Variants in LHX4 observed in about 807,000 individuals in gnomAD.
LHX4 encodes the protein LIM homeobox 4.
In LHX4, 16 loss-of-function variants were observed where a neutral mutation model predicts 39.2. That is an observed-to-expected ratio of 0.41 (90% confidence interval 0.28 to 0.62). The LOEUF (loss-of-function observed/expected upper bound fraction) is 0.62. Ranked by LOEUF, LHX4 falls within the 20% of genes least tolerant of loss-of-function variation. LHX4 has a pLI of 0.33. For synonymous variants in LHX4, 206 were observed against 198.1 expected (o/e 1.04, Z -0.33); for missense variants, 439 against 511.9 (o/e 0.86, Z 1.37).
At chr1:180,262,945 T>G (rs10913956) in intron 2 of LHX4, among the ~76,000 whole-genome samples, 30,291 of 152,172 alleles carry the variant, frequency 0.2, 3,379 homozygotes, top group African/African-American at 0.29. Flanking sequence ...TCTGTGGTTT[T>G]GGATCAGCTC....
chr1:180,230,223 AG>A (rs1295250723), upstream of LHX4: 11 of 400,218 alleles, frequency 2.7e-5, no homozygotes, highest in Non-Finnish European at 5.0e-5. This position sits in a 1 kb window ranked among gnomAD's most constrained non-coding sequence, Gnocchi z 5.8. Context: ...GTGGAGGGGG[AG>A]GGGGAAGGAG....
Position 180,274,219 on chromosome 1 carries a change from T to G in LHX4, c.813T>G (p.Asn271Lys), listed in dbSNP as rs777542565. 6.2e-7 allele frequency: 1 copy of G among 1,614,142 alleles called. No homozygotes were observed. Among genetic ancestry groups the G allele is most frequent in the South Asian group, 1.1e-5 (1 of 91,078 alleles). The part of the protein sequence containing the change: ...DQILSELGHT[N>K]RIYGNVGDVT... ...TTCTCTCAGAACTTGGCCACACCAA[T>G]AGGATTTATGGCAACGTGGGGGACG... Residue 271 changes from asparagine to lysine, a missense_variant, in exon 6 of 6, where the codon AAT (asparagine) becomes AAG (lysine). Coordinates refer to ENST00000263726, the MANE Select transcript of LHX4 (RefSeq NM_033343.4).
intron 1 of LHX4, among the ~76,000 whole-genome samples, chr1:180,236,683 G>A (rs1403288122): frequency 6.6e-6 from 1 of 152,156 alleles, no homozygotes. Flanking sequence ...GATGGGGGGC[G>A]GGTAGGTGGA....
intron 2 of LHX4, among the ~76,000 whole-genome samples, chr1:180,251,087 G>A (rs757442629): frequency 2.6e-5 from 4 of 152,110 alleles, no homozygotes; most frequent in Admixed American, 6.5e-5. Context: ...TGAGTCTTCC[G>A]CCAGGTGGGC....
intron 1 of LHX4, among the ~76,000 whole-genome samples, chr1:180,243,886 C>T (rs1395668652): frequency 6.6e-6 from 1 of 152,152 alleles, no homozygotes. Flanking sequence ...AATTTCCTAT[C>T]TAAAAAAATG....
intron 5 of LHX4, chr1:180,273,556 A>T (rs755110689): frequency 6.6e-6 from 1 of 152,490 alleles, no homozygotes; most frequent in South Asian, 2.1e-4. Context: ...ATTCCATTAG[A>T]TCCCCTTAAT....
intron 1 of LHX4, among the ~76,000 whole-genome samples, chr1:180,245,483 C>T (rs539141591): frequency 3.9e-5 from 6 of 152,314 alleles, no homozygotes; most frequent in South Asian, 2.1e-4. Context: ...GGCCCCAAGC[C>T]GCTGGCATAA....
chr1:180,243,324 G>A (rs1647247341), intron 1 of LHX4, among the ~76,000 whole-genome samples: 1 of 151,900 alleles, frequency 6.6e-6, no homozygotes, highest in Admixed American at 6.5e-5. Context: ...CCCCTCCTCT[G>A]CCCTGCAAGA....
intron 1 of LHX4, among the ~76,000 whole-genome samples, chr1:180,241,139 T>C (rs1180168717): frequency 6.6e-6 from 1 of 152,234 alleles, no homozygotes; most frequent in African/African-American, 2.4e-5. Context: ...CTCAACCTCC[T>C]CATTTTTACC....
chr1:180,248,677 T>G, intron 2 of LHX4: 1 of 617,082 alleles, frequency 1.6e-6, no homozygotes, highest in Non-Finnish European at 2.9e-6. Context: ...ATTTGATCTC[T>G]GCATGGGGCA....
chr1:180,258,894 C>T (rs61809139), intron 2 of LHX4, among the ~76,000 whole-genome samples: 28,690 of 151,860 alleles, frequency 0.19, 2,902 homozygotes, highest in African/African-American at 0.25. Flanking sequence ...CAGATGGGGA[C>T]GGATGCCCAA....
At chr1:180,259,932 G>C (rs1236190100) in intron 2 of LHX4, among the ~76,000 whole-genome samples, 1 of 151,634 alleles carries the variant, frequency 6.6e-6, no homozygotes, top group Non-Finnish European at 1.5e-5. Flanking sequence ...GTAACAACAA[G>C]GTCTGGGGGA....
intron 1 of LHX4, among the ~76,000 whole-genome samples, chr1:180,242,686 C>G (rs1388933941): frequency 6.6e-6 from 1 of 152,094 alleles, no homozygotes; most frequent in African/African-American, 2.4e-5. Flanking sequence ...TTTAGCATTT[C>G]CAAAGATTCT....
In LHX4 at chr1:180,266,380, C is replaced by T. The variant is rs780944313; in HGVS notation, c.249-12C>T. The T allele has an allele frequency of 2.5e-6, 4 of 1,613,800 alleles. No individual in the cohort carries two copies. In the East Asian group the frequency reaches 6.7e-5, roughly 27 times the overall value. Reference sequence around the variant, plus strand: ...CCCTGTGTGCCCTAATCCTTTCCTGCTGCCCTGACAGGCGCTTCGGCACAA... The same window carrying T: ...CCCTGTGTGCCCTAATCCTTTCCTGTTGCCCTGACAGGCGCTTCGGCACAA... On this transcript the variant is annotated splice_polypyrimidine_tract_variant and intron_variant, in intron 2 of 5. Coordinates refer to ENST00000263726, the MANE Select transcript of LHX4 (RefSeq NM_033343.4). The surrounding 1 kb of genome is among the most constrained non-coding windows in gnomAD (Gnocchi z 5.7).
intron 1 of LHX4, among the ~76,000 whole-genome samples, chr1:180,235,409 G>A (rs1664292272): frequency 6.6e-6 from 1 of 152,232 alleles, no homozygotes; most frequent in African/African-American, 2.4e-5. Context: ...GGAGGAGGCC[G>A]GGTGAAAACC....
chr1:180,259,120 GGGAGGA>G (rs1212775678), intron 2 of LHX4, among the ~76,000 whole-genome samples: 8 of 151,984 alleles, frequency 5.3e-5, no homozygotes, highest in Non-Finnish European at 8.8e-5. Flanking sequence ...GAAGAGGTGT[GGGAGGA>G]GGAGGAGCAG....
At position 180,277,479 on chromosome 1, in the gene LHX4, C is replaced by G. The variant is rs1010467831; in HGVS notation, c.*2900C>G. 6.6e-6 allele frequency: 1 copy of G among 152,120 alleles called. No individual in the cohort carries two copies. Among genetic ancestry groups the G allele is most frequent in the African/African-American group, 2.4e-5 (1 of 41,422 alleles). The allele number at this position is 152,120 out of a possible 1,614,324, so 9.4% of individuals were successfully genotyped here. A position where few individuals can be genotyped will look rare whatever the true frequency, so the allele number is the denominator to read the frequency against. On this transcript the variant is annotated 3_prime_UTR_variant, in exon 6 of 6. Coordinates refer to ENST00000263726, the MANE Select transcript of LHX4 (RefSeq NM_033343.4). ...ACTTTAGAGTAGGAAGCTCTTGAAT[C>G]CAGGAGCAAATTAGTTAAAACCCCA...
Position 180,248,406 on chromosome 1 carries a change from C to A in LHX4, c.198C>A (p.Asp66Glu). Residue 66 changes from aspartate to glutamate, a missense_variant, in exon 2 of 6, where the codon GAC (aspartate) becomes GAA (glutamate). By Grantham distance (45) the Asp-to-Glu change is conservative. Coordinates refer to ENST00000263726, the MANE Select transcript of LHX4 (RefSeq NM_033343.4). ...KCADCQMQLA[D>E]RCFSRAGSVY... ...CAGACTGCCAGATGCAGCTGGCGGA[C>A]AGGTGCTTCTCCAGGGCTGGGAGCG... is the stretch of plus-strand genomic sequence containing the variant. The A allele has an allele frequency of 6.2e-7, 1 of 1,614,252 alleles. No individual in the cohort carries two copies. Among genetic ancestry groups the A allele is most frequent in the Non-Finnish European group, 8.5e-7 (1 of 1,180,046 alleles).
At chr1:180,237,256 G>C (rs1368525914) in intron 1 of LHX4, among the ~76,000 whole-genome samples, 1 of 152,152 alleles carries the variant, frequency 6.6e-6, no homozygotes, top group Non-Finnish European at 1.5e-5. Flanking sequence ...CCAGCAGGCT[G>C]CACCGTGGTG....
Sources: gnomAD v4.1 joint callset for allele counts (sites outside exome capture counted in the v4.1 genomes callset) on GRCh38, gnomAD v4.1.1 for gene constraint, Gnocchi (gnomAD v3.1) non-coding constraint, MANE v1.5 for transcripts, NCBI Gene and HGNC (gene_info 2026-07-23, HGNC 2026-07-21) for gene names.